The following CHRM3 variants were observed in gnomAD, a reference collection of about 807,000 sequenced individuals.
CHRM3 encodes the protein muscarinic acetylcholine receptor M3.
In CHRM3, 11 loss-of-function variants were observed where a neutral mutation model predicts 41.8. The ratio of observed to expected loss-of-function variants is 0.26; its 90% confidence interval spans 0.17 to 0.44. The LOEUF (loss-of-function observed/expected upper bound fraction) is 0.44. Among genes scored for constraint, CHRM3 ranks in the 20% least tolerant of loss-of-function variants. The pLI, the probability that CHRM3 is intolerant of heterozygous loss-of-function variation, is 1.00. For missense variants in CHRM3, 571 were observed against 745.4 expected (o/e 0.77, Z 2.72); for synonymous variants, 297 against 301.4 (o/e 0.99, Z 0.15).
chr1:239,805,103 CTA>C (rs1670527195), intron 5 of CHRM3, among the ~76,000 whole-genome samples: 1 of 152,144 alleles, frequency 6.6e-6, no homozygotes, highest in Admixed American at 6.5e-5. Context: ...TTGAAGATTG[CTA>C]TGTTTCATGA....
At chr1:239,463,008 T>C (rs1665469124) in intron 1 of CHRM3, among the ~76,000 whole-genome samples, 1 of 152,246 alleles carries the variant, frequency 6.6e-6, no homozygotes, top group African/African-American at 2.4e-5. Flanking sequence ...GTTTACTTTA[T>C]GTAGCTAAAA....
intron 1 of CHRM3, among the ~76,000 whole-genome samples, chr1:239,414,442 A>G (rs1479920261): frequency 6.6e-6 from 1 of 152,250 alleles, no homozygotes; most frequent in Non-Finnish European, 1.5e-5. Context: ...GCAGTTTGAT[A>G]TTATTTGGAA....
intron 6 of CHRM3, among the ~76,000 whole-genome samples, chr1:239,896,753 G>A (rs1053335985): frequency 3.9e-5 from 6 of 152,100 alleles, no homozygotes; most frequent in South Asian, 2.1e-4. Context: ...CATTGATAGC[G>A]TCTGCCTACT....
At position 239,748,088 on chromosome 1, in the gene CHRM3, G is replaced by A. The variant is rs1050705754; in HGVS notation, c.-147+69800G>A. Reference sequence around the variant, plus strand: ...ACTGTGAAAATAGGAGTAAGGAAAAGCCCTTACAATTTGAACAGACACCCT... The same window carrying A: ...ACTGTGAAAATAGGAGTAAGGAAAAACCCTTACAATTTGAACAGACACCCT... On this transcript the variant is annotated intron_variant, in intron 5 of 6. Transcript: ENST00000676153. This position sits in a 1 kb window ranked among gnomAD's most constrained non-coding sequence, Gnocchi z 4.3. Among the ~76,000 whole-genome samples, 3 of 152,102 alleles carry A rather than the reference G, an allele frequency of 2.0e-5. No homozygotes were observed. Among genetic ancestry groups the A allele is most frequent in the African/African-American group, 7.2e-5 (3 of 41,424 alleles).
intron 6 of CHRM3, among the ~76,000 whole-genome samples, chr1:239,876,346 G>A (rs1267411449): frequency 6.6e-6 from 1 of 152,120 alleles, no homozygotes; most frequent in Non-Finnish European, 1.5e-5. Context: ...TATCAGTTTT[G>A]GAAACCAGCT....
chr1:239,802,374 T>C (rs921737159), intron 5 of CHRM3, among the ~76,000 whole-genome samples: 4 of 152,196 alleles, frequency 2.6e-5, no homozygotes, highest in East Asian at 1.9e-4. Context: ...AAGTTTAACA[T>C]AGTTCATTAA....
At chr1:239,477,130 G>A (rs185300976) in intron 1 of CHRM3, among the ~76,000 whole-genome samples, 32 of 152,302 alleles carry the variant, frequency 2.1e-4, no homozygotes, top group African/African-American at 7.7e-4. Flanking sequence ...AAAGCGAACA[G>A]AATAATAGTG....
intron 5 of CHRM3, among the ~76,000 whole-genome samples, chr1:239,792,780 C>T (rs1309611742): frequency 6.6e-6 from 1 of 152,138 alleles, no homozygotes; most frequent in African/African-American, 2.4e-5. Flanking sequence ...AAAATTTAAG[C>T]CCTGGACCCC....
chr1:239,821,550 G>T (rs932063350), intron 5 of CHRM3, among the ~76,000 whole-genome samples: 2 of 152,130 alleles, frequency 1.3e-5, no homozygotes. Flanking sequence ...GAACCAAGTG[G>T]CAGGGGCCCC....
chr1:239,683,122 G>C lies in CHRM3; in HGVS notation c.-147+4834G>C, dbSNP rs539842370. ...TGTTACTTTGTACACGTTGACCAAC[G>C]TATTGACTTTTGGGTGTGATTATTT... On this transcript the variant is annotated intron_variant, in intron 5 of 6. Transcript: ENST00000676153. Among the ~76,000 whole-genome samples, 5 of 152,002 alleles carry C rather than the reference G, an allele frequency of 3.3e-5. No individual in the cohort carries two copies. In the South Asian group the frequency reaches 1.0e-3, roughly 32 times the overall value.
intron 5 of CHRM3, among the ~76,000 whole-genome samples, chr1:239,740,749 A>C (rs1664776881): frequency 6.6e-6 from 1 of 152,172 alleles, no homozygotes; most frequent in South Asian, 2.1e-4. Context: ...CGAAATGCAA[A>C]TCAAAACCAT....
chr1:239,834,787 G>T (rs1382595783), intron 6 of CHRM3, among the ~76,000 whole-genome samples: 1 of 151,864 alleles, frequency 6.6e-6, no homozygotes, highest in African/African-American at 2.4e-5. Flanking sequence ...AAATTGTTCA[G>T]ATTTCACTTT....
At chr1:239,574,202 G>T (rs1312140863) in intron 3 of CHRM3, among the ~76,000 whole-genome samples, 1 of 152,160 alleles carries the variant, frequency 6.6e-6, no homozygotes, top group Non-Finnish European at 1.5e-5. Flanking sequence ...TAAAAGCTCA[G>T]CCAGAGAGTG....
At chr1:239,871,408 A>C (rs946266171) in intron 6 of CHRM3, among the ~76,000 whole-genome samples, 4 of 151,904 alleles carry the variant, frequency 2.6e-5, no homozygotes, top group Non-Finnish European at 4.4e-5. Flanking sequence ...TGCCCAGCTA[A>C]TTTTTGTATT....
intron 6 of CHRM3, among the ~76,000 whole-genome samples, chr1:239,879,873 T>C (rs554603207): frequency 2.0e-5 from 3 of 152,330 alleles, no homozygotes; most frequent in African/African-American, 7.2e-5. Flanking sequence ...AGGTTAAATC[T>C]CTTTCTGAGG....
In CHRM3 at chr1:239,909,929, A is replaced by C. The variant is rs1335648709; in HGVS notation, c.*705A>C. 1.8e-5 allele frequency: 3 copies of C among 167,078 alleles called. No individual in the cohort carries two copies. The highest frequency in any genetic ancestry group is 7.2e-5 in the African/African-American group (3 of 41,446). 10.3% of individuals were successfully genotyped at this position (167,078 alleles called of 1,614,324 possible). A position where few individuals can be genotyped will look rare whatever the true frequency, so the allele number is the denominator to read the frequency against. ...AACTGGCAAATTATTCCTGCAACAT[A>C]CGCTTTCAGTACTTTGGTAACTGAA... On this transcript the variant is annotated 3_prime_UTR_variant, in exon 7 of 7. Transcript: ENST00000676153.
At chr1:239,679,888 T>G (rs1658390117) in intron 5 of CHRM3, among the ~76,000 whole-genome samples, 1 of 152,090 alleles carries the variant, frequency 6.6e-6, no homozygotes. Context: ...CATCCAGTCC[T>G]TCACAGTCCG....
intron 5 of CHRM3, among the ~76,000 whole-genome samples, chr1:239,747,149 C>T (rs947450649): frequency 2.0e-5 from 3 of 152,096 alleles, no homozygotes; most frequent in Admixed American, 6.6e-5. Flanking sequence ...GCTTTTATAT[C>T]ATGTAAAAAT....
At chr1:239,772,513 G>T (rs757103237) in intron 5 of CHRM3, among the ~76,000 whole-genome samples, 1 of 152,090 alleles carries the variant, frequency 6.6e-6, no homozygotes, top group Non-Finnish European at 1.5e-5. Context: ...ACAGAAAAAC[G>T]TTGAAGTAAT....
Sources: gnomAD v4.1 joint callset for allele counts (sites outside exome capture counted in the v4.1 genomes callset) on GRCh38, gnomAD v4.1.1 for gene constraint, Gnocchi (gnomAD v3.1) non-coding constraint, MANE v1.5 for transcripts, NCBI Gene and HGNC (gene_info 2026-07-23, HGNC 2026-07-21) for gene names.